The following ZNF804B variants were observed in gnomAD, a reference collection of about 807,000 sequenced individuals.
The protein encoded by ZNF804B is zinc finger protein 804B.
A neutral mutation model predicts 101.4 loss-of-function variants in ZNF804B; 80 were observed. The ratio of observed to expected loss-of-function variants is 0.79; its 90% CI spans 0.66 to 0.95. ZNF804B has a LOEUF of 0.95. ZNF804B is among the 40% of genes least tolerant of loss of function. The pLI, the probability that ZNF804B is intolerant of heterozygous loss-of-function variation, is 0.00. For synonymous variants in ZNF804B, 622 were observed against 558.8 expected (o/e 1.11, Z -1.59); for missense variants, 1,673 against 1,561.9 (o/e 1.07, Z -1.20).
intron 2 of ZNF804B, among the ~76,000 whole-genome samples, chr7:89,293,784 G>A (rs562906811): frequency 8.7e-5 from 13 of 149,498 alleles, no homozygotes; most frequent in Admixed American, 6.0e-4. Context: ...GTGAGACTCC[G>A]TCTCAAAAAA....
chr7:88,787,752 A>G (rs1298292061), intron 1 of ZNF804B, among the ~76,000 whole-genome samples: 1 of 152,172 alleles, frequency 6.6e-6, no homozygotes, highest in Non-Finnish European at 1.5e-5. Context: ...AAAAAGTTGT[A>G]GAACCCGGTT....
At chr7:89,321,219 G>A (rs112092150) in intron 2 of ZNF804B, among the ~76,000 whole-genome samples, 6 of 152,160 alleles carry the variant, frequency 3.9e-5, no homozygotes, top group Middle Eastern at 3.4e-3. Context: ...GTTGGCTCAC[G>A]CCTGTAATCC....
At chr7:89,305,781 A>G (rs557493671) in intron 2 of ZNF804B, among the ~76,000 whole-genome samples, 1 of 151,592 alleles carries the variant, frequency 6.6e-6, no homozygotes, top group African/African-American at 2.4e-5. Context: ...TTGAAAGAGG[A>G]TATTTTTTGA....
At chr7:88,845,284 C>CGCGT (rs1554339253) in intron 1 of ZNF804B, among the ~76,000 whole-genome samples, 1,130 of 111,162 alleles carry the variant, frequency 0.01, 15 homozygotes, top group African/African-American at 0.047. Flanking sequence ...TGTGCGCACG[C>CGCGT]GCGCGCGCAC....
At chr7:89,247,218 G>C (rs1167352900) in intron 2 of ZNF804B, among the ~76,000 whole-genome samples, 2 of 152,214 alleles carry the variant, frequency 1.3e-5, no homozygotes, top group African/African-American at 4.8e-5. Flanking sequence ...CCTGACATCA[G>C]GAGAACAGAA....
chr7:89,285,597 G>C (rs989870107), intron 2 of ZNF804B, among the ~76,000 whole-genome samples: 9 of 138,456 alleles, frequency 6.5e-5, no homozygotes, highest in African/African-American at 2.7e-4. Context: ...GATTATTGAA[G>C]AGAAGGGATA....
chr7:88,814,647 A>G (rs1790847304), intron 1 of ZNF804B, among the ~76,000 whole-genome samples: 1 of 152,128 alleles, frequency 6.6e-6, no homozygotes. Flanking sequence ...TATAATTGGA[A>G]CATTAAGCTA....
intron 1 of ZNF804B, among the ~76,000 whole-genome samples, chr7:89,115,578 GAA>G (rs1469843650): frequency 1.3e-5 from 2 of 152,168 alleles, no homozygotes; most frequent in Admixed American, 6.5e-5. Flanking sequence ...ATAATGGATG[GAA>G]GTTGATGATC....
intron 1 of ZNF804B, among the ~76,000 whole-genome samples, chr7:88,932,079 C>T (rs7783835): frequency 4.7e-4 from 71 of 151,328 alleles, no homozygotes; most frequent in Non-Finnish European, 5.3e-4. Flanking sequence ...CAGGAGTCTT[C>T]ATAAGGAAAT....
chr7:88,996,972 A>G (rs1407965181), intron 1 of ZNF804B, among the ~76,000 whole-genome samples: 2 of 152,024 alleles, frequency 1.3e-5, no homozygotes, highest in African/African-American at 2.4e-5. Context: ...CATGGTGTGT[A>G]TGAGAGTATG....
At chr7:89,291,611 T>C (rs1790293533) in intron 2 of ZNF804B, among the ~76,000 whole-genome samples, 1 of 151,824 alleles carries the variant, frequency 6.6e-6, no homozygotes, top group Admixed American at 6.6e-5. Context: ...TAAAAAAGGA[T>C]GAAGCACACT....
chr7:88,898,059 T>C (rs988088744), intron 1 of ZNF804B, among the ~76,000 whole-genome samples: 5 of 143,878 alleles, frequency 3.5e-5, no homozygotes, highest in African/African-American at 1.0e-4. Context: ...CTCCTTCCTA[T>C]ATTACTTCTC....
intron 2 of ZNF804B, among the ~76,000 whole-genome samples, chr7:89,220,046 C>T (rs140115559): frequency 0.38 from 11,668 of 30,422 alleles, 3,180 homozygotes; most frequent in Non-Finnish European, 0.45. Context: ...CATATATGTG[C>T]ATATATACAT....
intron 1 of ZNF804B, among the ~76,000 whole-genome samples, chr7:88,875,681 C>G (rs1375744389): frequency 6.6e-6 from 1 of 151,820 alleles, no homozygotes; most frequent in African/African-American, 2.4e-5. Flanking sequence ...GCTTACCAAC[C>G]AAAAAGAGTC....
chr7:89,214,186 G>A (rs879900394), intron 1 of ZNF804B, among the ~76,000 whole-genome samples: 3 of 152,074 alleles, frequency 2.0e-5, no homozygotes, highest in Non-Finnish European at 4.4e-5. Flanking sequence ...AATGACTCTT[G>A]TTAAGATAAC....
At chr7:89,221,568 G>A (rs938094811) in intron 2 of ZNF804B, among the ~76,000 whole-genome samples, 1 of 151,856 alleles carries the variant, frequency 6.6e-6, no homozygotes. Context: ...TCCATATCAG[G>A]TCTGCATGCC....
At chr7:88,954,926 G>A (rs1288694125) in intron 1 of ZNF804B, among the ~76,000 whole-genome samples, 2 of 151,422 alleles carry the variant, frequency 1.3e-5, no homozygotes, top group African/African-American at 2.4e-5. Context: ...TAAGTATAGC[G>A]AGGGAAGATT....
At chr7:89,004,055 CAAAA>C (rs5885649) in intron 1 of ZNF804B, among the ~76,000 whole-genome samples, 43 of 112,138 alleles carry the variant, frequency 3.8e-4, no homozygotes, top group Admixed American at 3.1e-3. Flanking sequence ...CCTGAATGAG[CAAAA>C]AAAAAAAAAA....
intron 1 of ZNF804B, among the ~76,000 whole-genome samples, chr7:89,072,829 T>C (rs1239059589): frequency 1.3e-5 from 2 of 152,118 alleles, no homozygotes; most frequent in Non-Finnish European, 2.9e-5. Context: ...TGCTTGGGAA[T>C]TGCAAATGTG....
Sources: gnomAD v4.1 joint callset for allele counts (sites outside exome capture counted in the v4.1 genomes callset) on GRCh38, gnomAD v4.1.1 for gene constraint, MANE v1.5 for transcripts, NCBI Gene and HGNC (gene_info 2026-07-23, HGNC 2026-07-21) for gene names.